Variants in SPATA17 observed in about 807,000 individuals in gnomAD.
The protein encoded by SPATA17 is spermatogenesis-associated protein 17.
A neutral mutation model predicts 62.2 loss-of-function variants in SPATA17; 53 were observed. The observed-to-expected ratio is 0.85, with a 90% confidence interval of 0.68 to 1.07. SPATA17 has a LOEUF of 1.07. Ranked by LOEUF, SPATA17 falls within the 50% of genes least tolerant of loss-of-function variation. The pLI is 0.00. For synonymous variants in SPATA17, 146 were observed against 146.8 expected, an observed-to-expected ratio of 0.99 and a Z score of 0.04; for missense variants, 466 against 425.5, an observed-to-expected ratio of 1.10 and a Z score of -0.84.
Position 217,672,521 on chromosome 1 carries a change from C to A in SPATA17, c.291+3438C>A, listed in dbSNP as rs77198806. ...TGGCTATTGATTGCTACCATGACAACTAAAATGTATTCAATTGTCAAAGAG... is the reference window on the plus strand; with the variant it reads ...TGGCTATTGATTGCTACCATGACAAATAAAATGTATTCAATTGTCAAAGAG... On this transcript the variant is annotated intron_variant, in intron 4 of 10. Coordinates refer to ENST00000366933, the MANE Select transcript of SPATA17 (RefSeq NM_138796.4). Among the ~76,000 whole-genome samples the A allele has an allele frequency of 1.1e-4, 17 of 152,256 alleles. No individual in the cohort carries two copies. The East Asian group carries it at 3.3e-3, about 29-fold the overall frequency.
At chr1:217,836,495 A>G (rs1675261948) in intron 9 of SPATA17, among the ~76,000 whole-genome samples, 1 of 152,104 alleles carries the variant, frequency 6.6e-6, no homozygotes, top group African/African-American at 2.4e-5. Flanking sequence ...GGAAATGTTA[A>G]CTCTGTCATT....
At chr1:217,764,511 T>C (rs1453737077) in intron 6 of SPATA17, among the ~76,000 whole-genome samples, 1 of 152,202 alleles carries the variant, frequency 6.6e-6, no homozygotes, top group African/African-American at 2.4e-5. Context: ...GGCAATTATG[T>C]GAACAGCTGC....
intron 6 of SPATA17, among the ~76,000 whole-genome samples, chr1:217,766,865 C>G (rs1331537376): frequency 6.6e-6 from 1 of 151,990 alleles, no homozygotes; most frequent in East Asian, 1.9e-4. Flanking sequence ...AGCATAGTAT[C>G]TCATAAGTAG....
chr1:217,648,840 T>C (rs780449225), intron 1 of SPATA17, 42 bp from the exon 2 acceptor site: 1 of 1,265,896 alleles, frequency 7.9e-7, no homozygotes, highest in South Asian at 1.4e-5. Flanking sequence ...TTTAGAATTA[T>C]ATTAGTTACT....
chr1:217,743,362 C>G (rs1019536124), intron 6 of SPATA17, among the ~76,000 whole-genome samples: 1 of 151,924 alleles, frequency 6.6e-6, no homozygotes, highest in South Asian at 2.1e-4. Flanking sequence ...ATCAAAAATT[C>G]CTTTTAGCAG....
chr1:217,640,397 GA>G (rs148893444), intron 1 of SPATA17, among the ~76,000 whole-genome samples: 9,119 of 152,154 alleles, frequency 0.06, 338 homozygotes, highest in African/African-American at 0.1. Flanking sequence ...AAGTTCGCAG[GA>G]TGCAAGGGCA....
At chr1:217,722,233 C>T (rs1408210805) in intron 5 of SPATA17, among the ~76,000 whole-genome samples, 1 of 152,086 alleles carries the variant, frequency 6.6e-6, no homozygotes, top group East Asian at 1.9e-4. Context: ...TCCATTCCTA[C>T]CATCTTCTCA....
chr1:217,817,978 G>T (rs144546570), intron 9 of SPATA17, among the ~76,000 whole-genome samples: 1 of 152,056 alleles, frequency 6.6e-6, no homozygotes, highest in East Asian at 1.9e-4. Context: ...TTCTCATTCA[G>T]TAAAGGGAAT....
At chr1:217,817,793 C>T (rs544528018) in intron 9 of SPATA17, among the ~76,000 whole-genome samples, 1 of 152,046 alleles carries the variant, frequency 6.6e-6, no homozygotes, top group South Asian at 2.1e-4. Flanking sequence ...CACATCTTGC[C>T]GTACGTCTAT....
chr1:217,721,905 T>C (rs564570038), intron 5 of SPATA17, among the ~76,000 whole-genome samples: 2 of 152,276 alleles, frequency 1.3e-5, no homozygotes, highest in Non-Finnish European at 2.9e-5. Flanking sequence ...CAAACATTCC[T>C]CTCTGCTTCT....
chr1:217,844,065 A>G (rs1252478669), intron 9 of SPATA17, among the ~76,000 whole-genome samples: 2 of 152,164 alleles, frequency 1.3e-5, no homozygotes, highest in Non-Finnish European at 2.9e-5. Context: ...TCAAGCTAGT[A>G]CATTAGTCTG....
chr1:217,846,864 A>AGAATAG (rs1186715374), intron 9 of SPATA17, among the ~76,000 whole-genome samples: 1 of 152,102 alleles, frequency 6.6e-6, no homozygotes, highest in East Asian at 1.9e-4. Flanking sequence ...TCATTTACTA[A>AGAATAG]GAATATAACA....
intron 9 of SPATA17, among the ~76,000 whole-genome samples, chr1:217,829,755 G>A (rs1020889725): frequency 2.0e-5 from 3 of 151,678 alleles, no homozygotes; most frequent in Admixed American, 2.0e-4. Flanking sequence ...CATGGGGAGG[G>A]GATTGGGGTG....
rs1284330096 is a variant in SPATA17 at position 217,868,837 on chromosome 1, G to C, written c.*1818G>C. The C allele has an allele frequency of 6.6e-6, 1 of 151,882 alleles. No homozygotes were observed. The highest frequency in any genetic ancestry group is 1.5e-5 in the Non-Finnish European group (1 of 68,010). 9.4% of individuals were successfully genotyped at this position (151,882 alleles called of 1,614,324 possible). A position where few individuals can be genotyped will look rare whatever the true frequency, so the allele number is the denominator to read the frequency against. ...TGGGACCACAGGCATGGGCCAACAA[G>C]CCTGGCTAAATATTTTGTACTTTTG... On this transcript the variant is annotated 3_prime_UTR_variant, in exon 11 of 11. Coordinates refer to ENST00000366933, the MANE Select transcript of SPATA17 (RefSeq NM_138796.4).
intron 6 of SPATA17, among the ~76,000 whole-genome samples, chr1:217,765,416 C>A (rs1673275764): frequency 1.3e-5 from 2 of 151,336 alleles, no homozygotes; most frequent in African/African-American, 4.9e-5. Flanking sequence ...ATAAATTTTC[C>A]TTTAAGCCTT....
At chr1:217,753,812 C>T (rs988574432) in intron 6 of SPATA17, among the ~76,000 whole-genome samples, 4 of 152,076 alleles carry the variant, frequency 2.6e-5, no homozygotes, top group African/African-American at 7.2e-5. Flanking sequence ...GCTCCAATTT[C>T]TTACCTCAGT....
At chr1:217,847,402 G>A (rs1048087347) in intron 9 of SPATA17, among the ~76,000 whole-genome samples, 2 of 152,226 alleles carry the variant, frequency 1.3e-5, no homozygotes, top group South Asian at 4.1e-4. Flanking sequence ...GTATGAAATA[G>A]CTTGTGAGGA....
chr1:217,802,234 G>C (rs957308640), intron 9 of SPATA17, among the ~76,000 whole-genome samples: 6 of 152,128 alleles, frequency 3.9e-5, no homozygotes, highest in Non-Finnish European at 5.9e-5. Context: ...GCTAAATAAA[G>C]AGGAGGGGAG....
intron 5 of SPATA17, among the ~76,000 whole-genome samples, chr1:217,720,607 A>G (rs910361466): frequency 6.6e-6 from 1 of 152,274 alleles, no homozygotes; most frequent in East Asian, 1.9e-4. Context: ...TACCTGGGCA[A>G]TATCGTAAGG....
Sources: gnomAD v4.1 joint callset for allele counts (sites outside exome capture counted in the v4.1 genomes callset) on GRCh38, gnomAD v4.1.1 for gene constraint, MANE v1.5 for transcripts, NCBI Gene and HGNC (gene_info 2026-07-23, HGNC 2026-07-21) for gene names.